The following NR3C1 variants were observed in gnomAD, a reference collection of about 807,000 sequenced individuals.
The protein encoded by NR3C1 is glucocorticoid receptor.
In NR3C1, 14 loss-of-function variants were observed where a neutral mutation model predicts 74.0. That is an observed-to-expected ratio of 0.19 (90% confidence interval 0.12 to 0.30). The LOEUF (loss-of-function observed/expected upper bound fraction) is 0.30. NR3C1 is among the 10% of genes least tolerant of loss of function. The pLI, the probability that NR3C1 is intolerant of heterozygous loss-of-function variation, is 1.00. For missense variants in NR3C1, 695 were observed against 909.8 expected (o/e 0.76, Z 3.04); for synonymous variants, 308 against 332.5 (o/e 0.93, Z 0.80).
In NR3C1 at chr5:143,400,228, T is replaced by C; in HGVS notation, c.612A>G (p.Pro204=). ...AAGGACTCTCATTCGTCTCTTTACC[T>C]GGGGACCCAGAAGAAAACTCCAAAT... The part of the protein sequence containing the change: ...LQDLEFSSGS[P]GKETNESPWR... The change falls in exon 2 of 9, where the codon CCA becomes CCG. Residue 204 remains proline (P), a synonymous_variant. Transcript: ENST00000394464. The C allele has an allele frequency of 2.5e-6, 4 of 1,601,476 alleles. No individual in the cohort carries two copies. Among genetic ancestry groups the C allele is most frequent in the Non-Finnish European group, 3.4e-6 (4 of 1,174,858 alleles).
At chr5:143,305,255 C>A (rs1819334657) in intron 4 of NR3C1, among the ~76,000 whole-genome samples, 1 of 152,070 alleles carries the variant, frequency 6.6e-6, no homozygotes. Flanking sequence ...GGCCAACAAA[C>A]ATATGGAAAA....
intron 4 of NR3C1, among the ~76,000 whole-genome samples, chr5:143,301,725 T>C (rs908055349): frequency 1.3e-5 from 2 of 152,120 alleles, no homozygotes; most frequent in African/African-American, 4.8e-5. Context: ...CGAAGAAATG[T>C]ACTTGTCTAA....
At chr5:143,317,985 T>C (rs558641356) in intron 2 of NR3C1, among the ~76,000 whole-genome samples, 1 of 152,298 alleles carries the variant, frequency 6.6e-6, no homozygotes, top group East Asian at 1.9e-4. Flanking sequence ...CTAGTTCCAG[T>C]GCTCTAATAG....
intron 2 of NR3C1, among the ~76,000 whole-genome samples, chr5:143,355,471 G>A (rs1286289602): frequency 3.3e-5 from 5 of 151,194 alleles, no homozygotes; most frequent in African/African-American, 1.2e-4. Context: ...GCAAGACCCT[G>A]TCTTTAAAAA....
intron 2 of NR3C1, among the ~76,000 whole-genome samples, chr5:143,373,834 T>C (rs1160447929): frequency 6.6e-6 from 1 of 152,084 alleles, no homozygotes; most frequent in Non-Finnish European, 1.5e-5. Flanking sequence ...GGAATAGCAA[T>C]GAGCTGTTCC....
chr5:143,405,520 C>T (rs538653529), upstream of NR3C1, among the ~76,000 whole-genome samples: 2 of 152,300 alleles, frequency 1.3e-5, no homozygotes, highest in South Asian at 2.1e-4. Flanking sequence ...TTCCTTGGTT[C>T]TCAAGGGTAA....
At chr5:143,375,747 C>G (rs1157697835) in intron 2 of NR3C1, 1 of 152,186 alleles carries the variant, frequency 6.6e-6, no homozygotes, top group Non-Finnish European at 1.5e-5. Flanking sequence ...TGTAAGAAAT[C>G]TACTTCCCTG....
intron 2 of NR3C1, among the ~76,000 whole-genome samples, chr5:143,340,062 G>C: frequency 6.6e-6 from 1 of 152,014 alleles, no homozygotes; most frequent in Middle Eastern, 3.4e-3. Context: ...CAAACAATTG[G>C]AAAATAAAAT....
At chr5:143,371,362 A>G (rs181474616) in intron 2 of NR3C1, among the ~76,000 whole-genome samples, 1 of 152,364 alleles carries the variant, frequency 6.6e-6, no homozygotes. Context: ...GATTTTTACT[A>G]CATAGTCTAG....
intron 7 of NR3C1, among the ~76,000 whole-genome samples, chr5:143,283,271 TATTA>T (rs769036555): frequency 2.6e-5 from 4 of 152,222 alleles, no homozygotes; most frequent in Non-Finnish European, 5.9e-5. Flanking sequence ...TTCTTAGGAT[TATTA>T]ATTAAACTAC....
intron 2 of NR3C1, among the ~76,000 whole-genome samples, chr5:143,349,284 G>T (rs375489432): frequency 9.9e-5 from 15 of 152,218 alleles, no homozygotes; most frequent in African/African-American, 3.4e-4. Flanking sequence ...GAGATTCAAG[G>T]TTAAGAAGGG....
intron 2 of NR3C1, among the ~76,000 whole-genome samples, chr5:143,335,560 A>G (rs1033880954): frequency 6.6e-6 from 1 of 152,244 alleles, no homozygotes; most frequent in Non-Finnish European, 1.5e-5. Context: ...GAAAACCAGC[A>G]AACACTTCCA....
chr5:143,315,927 G>A (rs1419285392), intron 2 of NR3C1, among the ~76,000 whole-genome samples: 1 of 152,124 alleles, frequency 6.6e-6, no homozygotes, highest in Non-Finnish European at 1.5e-5. Context: ...TAGTCAATAG[G>A]ACAGCATTCC....
chr5:143,382,625 A>G (rs1836454191), intron 2 of NR3C1, among the ~76,000 whole-genome samples: 1 of 152,250 alleles, frequency 6.6e-6, no homozygotes, highest in Non-Finnish European at 1.5e-5. Flanking sequence ...TCAAGTTCAC[A>G]CAGTTGTTAG....
In NR3C1 at chr5:143,279,433, C is replaced by T. The variant is rs372840913; in HGVS notation, c.*2456G>A. ...CATTCTATAAAGGAATGATAATCTACGTTTTAGAAGCTCTTTTTGAAACTT... is the reference window on the plus strand; with the variant it reads ...CATTCTATAAAGGAATGATAATCTATGTTTTAGAAGCTCTTTTTGAAACTT... On this transcript the variant is annotated 3_prime_UTR_variant, in exon 9 of 9. Coordinates refer to ENST00000394464, the MANE Select transcript of NR3C1 (RefSeq NM_000176.3). 17 of 1,505,442 alleles carry T rather than the reference C, an allele frequency of 1.1e-5. No individual in the cohort carries two copies. Among genetic ancestry groups the T allele is most frequent in the South Asian group, 2.7e-5 (2 of 73,464 alleles). 93.3% of individuals were successfully genotyped at this position (1,505,442 alleles called of 1,614,324 possible).
At chr5:143,369,379 C>A (rs1406956803) in intron 2 of NR3C1, among the ~76,000 whole-genome samples, 1 of 152,148 alleles carries the variant, frequency 6.6e-6, no homozygotes, top group African/African-American at 2.4e-5. Context: ...TATGTCTACA[C>A]AGAAACTTGT....
intron 2 of NR3C1, among the ~76,000 whole-genome samples, chr5:143,379,205 TG>T (rs1436499975): frequency 6.6e-6 from 1 of 152,176 alleles, no homozygotes; most frequent in East Asian, 1.9e-4. Context: ...TTGAATGGAG[TG>T]TGGGAGCCAG....
rs901732110 is a variant in NR3C1 at position 143,278,376 on chromosome 5, G to C, written c.*3513C>G. 2 of 152,116 alleles carry C rather than the reference G, an allele frequency of 1.3e-5. No homozygotes were observed. Among genetic ancestry groups the C allele is most frequent in the African/African-American group, 4.8e-5 (2 of 41,422 alleles). 9.4% of individuals were successfully genotyped at this position (152,116 alleles called of 1,614,324 possible). A position where few individuals can be genotyped will look rare whatever the true frequency, so the allele number is the denominator to read the frequency against. On this transcript the variant is annotated 3_prime_UTR_variant, in exon 9 of 9. Transcript: ENST00000394464. ...TGTAGTTAAGCAAGTTATTTGAGGAGGGTATTTTCATACAGCCTTTCATCA... is the reference window on the plus strand; with the variant it reads ...TGTAGTTAAGCAAGTTATTTGAGGACGGTATTTTCATACAGCCTTTCATCA...
Position 143,349,121 on chromosome 5 carries a change from T to C in NR3C1, c.1185-34953A>G, listed in dbSNP as rs146298867. On this transcript the variant is annotated intron_variant, in intron 2 of 8. Coordinates refer to ENST00000394464, the MANE Select transcript of NR3C1 (RefSeq NM_000176.3). ...AAAGGATGAGGGGGGTCAAAGATGA[T>C]CCTACTGTCTTTTTGTGGCGATTGT... Among the ~76,000 whole-genome samples the C allele has an allele frequency of 3.5e-3, 529 of 152,278 alleles. 1 individual carries two copies. The highest frequency in any genetic ancestry group is 0.012 in the African/African-American group (514 of 41,562).
Sources: allele counts gnomAD v4.1 joint callset (sites outside exome capture counted in the v4.1 genomes callset), GRCh38; gene constraint gnomAD v4.1.1; transcripts MANE v1.5; gene names NCBI Gene and HGNC (gene_info 2026-07-23, HGNC 2026-07-21).